GAR1: variants seen among roughly 807,000 people sequenced by gnomAD.
The protein encoded by GAR1 is H/ACA ribonucleoprotein complex subunit 1.
In GAR1, 11 loss-of-function variants were observed where a neutral mutation model predicts 29.3. The ratio of observed to expected loss-of-function variants is 0.38; its 90% CI spans 0.24 to 0.62. GAR1 has a LOEUF of 0.62. Among genes scored for constraint, GAR1 ranks in the 20% least tolerant of loss-of-function variants. The probability of loss-of-function intolerance (pLI) is 0.62; values close to 1 mark genes in which losing one functional copy is unlikely to be tolerated. For missense variants in GAR1, 237 were observed against 268.4 expected (o/e 0.88, Z 0.82); for synonymous variants, 87 against 93.3 (o/e 0.93, Z 0.39).
At chr4:109,819,932 C>G (rs1469676702) in intron 4 of GAR1, among the ~76,000 whole-genome samples, 2 of 152,170 alleles carry the variant, frequency 1.3e-5, no homozygotes, top group Admixed American at 6.5e-5. Context: ...GCTTGATTAA[C>G]TTAAGCCTTC....
intron 5 of GAR1, 36 bp from the exon 6 acceptor site, chr4:109,823,929 A>T: frequency 7.6e-7 from 1 of 1,317,760 alleles, no homozygotes; most frequent in Non-Finnish European, 1.1e-6. Flanking sequence ...TTGTTATTTA[A>T]ATACTTTGCG....
At position 109,819,035 on chromosome 4, in the gene GAR1, C is replaced by T. The variant is rs1468965260; in HGVS notation, c.404C>T (p.Ala135Val). Reference protein sequence around the residue: ...FSVKLSENMKASSFKKLQKFY... With the variant: ...FSVKLSENMKVSSFKKLQKFY... Reference sequence around the variant, plus strand: ...GTTAAGTTGTCAGAAAACATGAAGGCTTCATCCTTTAAAAAACTACAGAAG... The same window carrying T: ...GTTAAGTTGTCAGAAAACATGAAGGTTTCATCCTTTAAAAAACTACAGAAG... Residue 135 changes from alanine to valine, a missense_variant, in exon 4 of 7, where the codon GCT becomes GTT. Coordinates refer to ENST00000226796, the MANE Select transcript of GAR1 (RefSeq NM_018983.4). 6.7e-7 allele frequency: 1 copy of T among 1,502,452 alleles called. No individual in the cohort carries two copies. The allele number at this position is 1,502,452 out of a possible 1,614,324, so 93.1% of individuals were successfully genotyped here. A position where few individuals can be genotyped will look rare whatever the true frequency, so the allele number is the denominator to read the frequency against.
Position 109,819,054 on chromosome 4 carries a change from A to G in GAR1, c.423A>G (p.Leu141=), listed in dbSNP as rs200823249. The G allele has an allele frequency of 1.1e-5, 17 of 1,482,954 alleles. No homozygotes were observed. The highest frequency in any genetic ancestry group is 2.3e-5 in the South Asian group (2 of 88,002). 91.9% of individuals were successfully genotyped at this position (1,482,954 alleles called of 1,614,324 possible). Residue 141 remains leucine, a synonymous_variant, in exon 4 of 7, where the codon CTA becomes CTG. Transcript: ENST00000226796. The stretch of plus-strand genomic sequence containing the variant: ...TGAAGGCTTCATCCTTTAAAAAACT[A>G]CAGAAGGTGAGTCAAACTTATGATA... ...ENMKASSFKK[L]QKFYIDPYKL... is the part of the protein sequence containing the mutation.
chr4:109,819,331 T>A, intron 4 of GAR1: 1 of 423,310 alleles, frequency 2.4e-6, no homozygotes, highest in Non-Finnish European at 4.2e-6. Context: ...TGTAAAACTC[T>A]CTTATTGAAA....
chr4:109,818,141 A>G (rs757095337), intron 3 of GAR1, 51 bp downstream of exon 3: 3 of 1,382,804 alleles, frequency 2.2e-6, no homozygotes, highest in Non-Finnish European at 3.0e-6. Flanking sequence ...TGCTATTTGC[A>G]TTTTTCTGAG....
chr4:109,824,620 A>G lies in GAR1; in HGVS notation c.*189A>G, dbSNP rs1733603535. The G allele has an allele frequency of 1.8e-6, 1 of 561,676 alleles. No individual in the cohort carries two copies. 34.8% of individuals were successfully genotyped at this position (561,676 alleles called of 1,614,324 possible). ...TGAATTTTGCTCTAAAAGAGCATGAACAAGTCTTTCTAATGTTTTGTACAG... is the reference window on the plus strand; with the variant it reads ...TGAATTTTGCTCTAAAAGAGCATGAGCAAGTCTTTCTAATGTTTTGTACAG... On this transcript the variant is annotated 3_prime_UTR_variant, in exon 7 of 7. Coordinates refer to ENST00000226796, the MANE Select transcript of GAR1 (RefSeq NM_018983.4).
intron 3 of GAR1, 141 bp downstream of exon 3, chr4:109,818,231 C>G: frequency 1.6e-6 from 1 of 631,612 alleles, no homozygotes; most frequent in Middle Eastern, 4.4e-4. Flanking sequence ...GAAGGAGAAT[C>G]AAGGGGAGAA....
In GAR1 at chr4:109,824,658, T is replaced by G. The variant is rs1192763474; in HGVS notation, c.*227T>G. On this transcript the variant is annotated 3_prime_UTR_variant, in exon 7 of 7. Transcript: ENST00000226796. ...ATGTTTTGTACAGTGCCTGGCACTC[T>G]GTGGGTGCTCAATAAATGGATAGGA... The G allele has an allele frequency of 2.4e-6, 1 of 411,368 alleles. No individual in the cohort carries two copies. The highest frequency in any genetic ancestry group is 2.5e-5 in the African/African-American group (1 of 39,414). The allele number at this position is 411,368 out of a possible 1,614,324, so 25.5% of individuals were successfully genotyped here.
chr4:109,822,489 G>GTGGTTT lies in GAR1; in HGVS notation c.571+2_571+3insGGTTTT. 1 of 1,593,742 alleles carries GTGGTTT rather than the reference G, an allele frequency of 6.3e-7. No individual in the cohort carries two copies. The highest frequency in any genetic ancestry group is 8.5e-7 in the Non-Finnish European group (1 of 1,173,388). On this transcript the variant is annotated splice_donor_variant, in intron 5 of 6. Transcript: ENST00000226796. LOFTEE classifies it high-confidence loss of function. ...GGTGGCAGAGGTGGTGGCAGAGGCG[G>GTGGTTT]TAAGTTACTTGGGGAAAATTTCTAA...
At chr4:109,819,933 T>C (rs1733467115) in intron 4 of GAR1, among the ~76,000 whole-genome samples, 1 of 152,198 alleles carries the variant, frequency 6.6e-6, no homozygotes, top group South Asian at 2.1e-4. Context: ...CTTGATTAAC[T>C]TAAGCCTTCA....
At chr4:109,816,488 T>C (rs1733356852) in intron 2 of GAR1, 110 bp downstream of exon 2, 2 of 1,043,428 alleles carry the variant, frequency 1.9e-6, no homozygotes, top group South Asian at 1.3e-5. Context: ...GAATGTAGCA[T>C]GTAAGGGTGG....
intron 2 of GAR1, among the ~76,000 whole-genome samples, chr4:109,817,712 G>T (rs1733393080): frequency 6.6e-6 from 1 of 152,124 alleles, no homozygotes; most frequent in Non-Finnish European, 1.5e-5. Flanking sequence ...CTAAAAATGA[G>T]ACACTGAATT....
rs773038065 is a variant in GAR1 at position 109,823,956 on chromosome 4, GT to G, written c.572-3del. On this transcript the variant is annotated splice_polypyrimidine_tract_variant and splice_region_variant and intron_variant, in intron 5 of 6. Coordinates refer to ENST00000226796, the MANE Select transcript of GAR1 (RefSeq NM_018983.4). The stretch of plus-strand genomic sequence containing the variant: ...TACTTTGCGTTATTATTTAATAAAT[GT>G]TTTTTAGGTGGTTTTAGAGGTGGAA... 6.4e-7 allele frequency: 1 copy of G among 1,571,676 alleles called. No homozygotes were observed. Among genetic ancestry groups the G allele is most frequent in the Non-Finnish European group, 8.7e-7 (1 of 1,143,442 alleles).
At chr4:109,824,243 G>C (rs772920082) in intron 6 of GAR1, among the ~76,000 whole-genome samples, 175 bp from the exon 7 acceptor site, 1 of 151,046 alleles carries the variant, frequency 6.6e-6, no homozygotes, top group Non-Finnish European at 1.5e-5. Flanking sequence ...AATTTGTTTT[G>C]CTTTATTATT....
In GAR1 at chr4:109,822,463, A is replaced by T. The variant is rs746353131; in HGVS notation, c.546A>T (p.Gly182=). 3.7e-6 allele frequency: 6 copies of T among 1,600,928 alleles called. No homozygotes were observed. In the African/African-American group the frequency reaches 4.0e-5, roughly 11 times the overall value. The change falls in exon 5 of 7, where the codon GGA becomes GGT. Residue 182 remains glycine (G), a synonymous_variant. Transcript: ENST00000226796. ...GRGGRGGGRG[G]GGRGGGRGGG... ...GAGGCCGAGGAGGAGGAAGAGGAGG[A>T]GGTGGCAGAGGTGGTGGCAGAGGCG...
rs59097048 is a variant in GAR1, at chr4:109,822,155, TAA to T, written c.430-169_430-168del. 7.5e-3 allele frequency among the ~76,000 whole-genome samples: 762 copies of T among 101,650 alleles called. 4 individuals carry two copies. The highest frequency in any genetic ancestry group is 0.023 in the South Asian group (62 of 2,716). The allele number at this position is 101,650 out of a possible 152,430, so 66.7% of individuals were successfully genotyped here. ...TGCACATGTATCCCAGAACTTAAGG[TAA>T]AAAAAAAAAAAAAAAAAAAAAAGAA... On this transcript the variant is annotated intron_variant, in intron 4 of 6. Transcript: ENST00000226796.
intron 4 of GAR1, 44 bp downstream of exon 4, chr4:109,819,104 G>T: frequency 1.0e-6 from 1 of 987,254 alleles, no homozygotes; most frequent in Non-Finnish European, 1.6e-6. Context: ...TTTTATAAGG[G>T]AACGACCTAT....
At chr4:109,822,155 T>TAAAAAAAAAAAAAAAAAAAAAAAAAAAA (rs59097048) in intron 4 of GAR1, among the ~76,000 whole-genome samples, 192 bp from the exon 5 acceptor site, 1 of 101,640 alleles carries the variant, frequency 9.8e-6, no homozygotes, top group African/African-American at 3.7e-5. Context: ...GAACTTAAGG[T>TAAAAAAAAAAAAAAAAAAAAAAAAAAAA]AAAAAAAAAA....
At chr4:109,821,968 G>C (rs1310938457) in intron 4 of GAR1, among the ~76,000 whole-genome samples, 2 of 151,738 alleles carry the variant, frequency 1.3e-5, no homozygotes, top group Non-Finnish European at 2.9e-5. Flanking sequence ...CACAGGGAGG[G>C]AAACATCACA....
Sources: allele counts gnomAD v4.1 joint callset (sites outside exome capture counted in the v4.1 genomes callset), GRCh38; gene constraint gnomAD v4.1.1; transcripts MANE v1.5; gene names NCBI Gene and HGNC (gene_info 2026-07-23, HGNC 2026-07-21).